The following MIB1 variants were observed in gnomAD, a reference collection of about 807,000 sequenced individuals.
The protein encoded by MIB1 is E3 ubiquitin-protein ligase MIB1.
MIB1 carries 278 observed loss-of-function variants against 124.5 expected under a neutral mutation model. That is an observed-to-expected ratio of 2.23 (90% CI 2.02 to 2.47). The LOEUF (loss-of-function observed/expected upper bound fraction) is 2.47, where lower values mean the gene tolerates loss of function less well. Among genes scored for constraint, MIB1 ranks in the 30% most tolerant of loss-of-function variants. MIB1 has a pLI of 0.00. For synonymous variants in MIB1, 446 were observed against 429.4 expected (o/e 1.04, Z -0.48); for missense variants, 957 against 1,254.4 (o/e 0.76, Z 3.58).
At chr18:21,773,161 G>T (rs1281908269) in intron 3 of MIB1, among the ~76,000 whole-genome samples, 4 of 152,068 alleles carry the variant, frequency 2.6e-5, no homozygotes, top group African/African-American at 4.8e-5. Flanking sequence ...AGCTACTCAG[G>T]AGGCTGAGGC....
At chr18:21,840,645 A>G (rs981284268) in intron 13 of MIB1, among the ~76,000 whole-genome samples, 5 of 2,106 alleles carry the variant, frequency 2.4e-3, no homozygotes, top group South Asian at 0.062. Context: ...ATATATATAT[A>G]TATATATATA....
intron 3 of MIB1, among the ~76,000 whole-genome samples, chr18:21,771,951 G>T (rs1172000969): frequency 6.6e-6 from 1 of 151,944 alleles, no homozygotes; most frequent in Non-Finnish European, 1.5e-5. Flanking sequence ...AGTGAGCCGA[G>T]ATCGTGCCAT....
intron 3 of MIB1, 126 bp downstream of exon 3, chr18:21,768,878 G>C: frequency 6.1e-6 from 5 of 813,398 alleles, no homozygotes; most frequent in Non-Finnish European, 8.5e-6. Context: ...TTAAAATCTT[G>C]ATTTCTTTTT....
chr18:21,777,545 A>G (rs1185920683), intron 4 of MIB1, among the ~76,000 whole-genome samples: 1 of 151,962 alleles, frequency 6.6e-6, no homozygotes, highest in East Asian at 1.9e-4. Flanking sequence ...AGATTCAGAC[A>G]TTTTATTTTA....
chr18:21,853,060 A>G (rs2042195061), intron 17 of MIB1, 80 bp from the exon 18 acceptor site: 1 of 913,762 alleles, frequency 1.1e-6, no homozygotes, highest in Non-Finnish European at 1.8e-6. Context: ...GAGGAAATAC[A>G]TTTGGATATA....
intron 13 of MIB1, among the ~76,000 whole-genome samples, chr18:21,842,116 A>AAAAAAAAAAAAAG (rs1555695873): frequency 2.5e-5 from 3 of 121,132 alleles, no homozygotes; most frequent in Non-Finnish European, 5.0e-5. Context: ...AAAAAAAAAA[A>AAAAAAAAAAAAAG]AAGAAGAAAA....
At position 21,798,088 on chromosome 18, in the gene MIB1, T is replaced by A. The variant is rs148247758; in HGVS notation, c.1097T>A (p.Leu366Ter). 6.2e-7 allele frequency: 1 copy of A among 1,612,708 alleles called. No individual in the cohort carries two copies. The highest frequency in any genetic ancestry group is 1.1e-5 in the South Asian group (1 of 90,962). ...GEWAEAMLPTLGKVGRVQQIY... is the reference protein window; with the variant it reads ...GEWAEAMLPT Reference sequence around the variant, plus strand: ...GAATCTATTTTTTTCCCCAAGACTTTAGGTAAAGTTGGCCGAGTACAACAG... The same window carrying A: ...GAATCTATTTTTTTCCCCAAGACTTAAGGTAAAGTTGGCCGAGTACAACAG... Residue 366 changes from leucine (L) to a stop codon, truncating the protein, a stop_gained, in exon 8 of 21, where the codon TTA becomes TAA. Coordinates refer to ENST00000261537, the MANE Select transcript of MIB1 (RefSeq NM_020774.4). LOFTEE classifies it high-confidence loss of function.
intron 4 of MIB1, among the ~76,000 whole-genome samples, chr18:21,774,746 G>A (rs1370995351): frequency 2.6e-5 from 4 of 151,714 alleles, no homozygotes; most frequent in Non-Finnish European, 5.9e-5. Flanking sequence ...CTATGTTCTT[G>A]TTAGGAATGG....
chr18:21,807,539 A>G (rs1236205421), intron 10 of MIB1, among the ~76,000 whole-genome samples: 2 of 152,336 alleles, frequency 1.3e-5, no homozygotes, highest in East Asian at 1.9e-4. Context: ...TTTGTTTAAT[A>G]CATTGGTTCT....
At chr18:21,857,324 C>T in intron 19 of MIB1, 81 bp downstream of exon 19, 1 of 821,258 alleles carries the variant, frequency 1.2e-6, no homozygotes, top group Non-Finnish European at 2.1e-6. Context: ...TCGTAATACA[C>T]TACTGCCTTA....
chr18:21,781,399 AT>A (rs1568199049), intron 6 of MIB1, among the ~76,000 whole-genome samples: 12 of 113,814 alleles, frequency 1.1e-4, no homozygotes, highest in African/African-American at 3.0e-4. Flanking sequence ...ATATATATAT[AT>A]ATATATATAT....
At chr18:21,818,585 C>G (rs2041851095) in intron 11 of MIB1, among the ~76,000 whole-genome samples, 1 of 152,122 alleles carries the variant, frequency 6.6e-6, no homozygotes, top group Non-Finnish European at 1.5e-5. Flanking sequence ...GGGAGGATCA[C>G]TTGAGCACAG....
intron 1 of MIB1, among the ~76,000 whole-genome samples, chr18:21,742,592 T>C (rs2040867138): frequency 6.6e-6 from 1 of 152,192 alleles, no homozygotes; most frequent in Non-Finnish European, 1.5e-5. Flanking sequence ...TCTTGATTAG[T>C]GAATTTTAGG....
chr18:21,788,288 A>T (rs1300249820), intron 6 of MIB1, among the ~76,000 whole-genome samples: 1 of 152,228 alleles, frequency 6.6e-6, no homozygotes, highest in Non-Finnish European at 1.5e-5. Flanking sequence ...AAGTGATATT[A>T]TATAGAATAA....
chr18:21,798,139 T>TA lies in MIB1; in HGVS notation c.1148_1149insA (p.Glu384GlyfsTer25). 1 of 1,613,312 alleles carries TA rather than the reference T, an allele frequency of 6.2e-7. No homozygotes were observed. The highest frequency in any genetic ancestry group is 8.5e-7 in the Non-Finnish European group (1 of 1,179,434). The stretch of plus-strand genomic sequence containing the variant: ...ATTTATTCAGACAGTGATTTAAAGG[T>TA]GGAAGTTTGTGGAACATCTTGGACA... On this transcript the variant is annotated frameshift_variant, in exon 8 of 21. Coordinates refer to ENST00000261537, the MANE Select transcript of MIB1 (RefSeq NM_020774.4). LOFTEE classifies it high-confidence loss of function.
At chr18:21,772,336 A>C (rs985542128) in intron 3 of MIB1, among the ~76,000 whole-genome samples, 1 of 152,246 alleles carries the variant, frequency 6.6e-6, no homozygotes, top group African/African-American at 2.4e-5. Flanking sequence ...GCATGTGTGC[A>C]GCTTCCCACT....
At chr18:21,744,479 A>G (rs1461996999) in intron 1 of MIB1, among the ~76,000 whole-genome samples, 1 of 152,080 alleles carries the variant, frequency 6.6e-6, no homozygotes, top group African/African-American at 2.4e-5. Context: ...ACTAATCTAT[A>G]CACCTTATTC....
intron 11 of MIB1, among the ~76,000 whole-genome samples, chr18:21,818,941 A>G (rs1347981831): frequency 1.3e-5 from 2 of 152,238 alleles, no homozygotes; most frequent in African/African-American, 4.8e-5. Context: ...TCTCAAAAAA[A>G]AGAAAAAAAA....
chr18:21,727,244 C>T (rs1213177681), intron 1 of MIB1, among the ~76,000 whole-genome samples: 3 of 152,062 alleles, frequency 2.0e-5, no homozygotes, highest in South Asian at 2.1e-4. Flanking sequence ...TGAGTAGCTG[C>T]GATTAAAGGG....
Sources: allele counts gnomAD v4.1 joint callset (sites outside exome capture counted in the v4.1 genomes callset), GRCh38; gene constraint gnomAD v4.1.1; transcripts MANE v1.5; gene names NCBI Gene and HGNC (gene_info 2026-07-23, HGNC 2026-07-21).